ARID2: variants seen among roughly 807,000 people sequenced by gnomAD.
ARID2 encodes the protein AT-rich interaction domain 2, also known as AT-rich interactive domain-containing protein 2.
In ARID2, 32 loss-of-function variants were observed where a neutral mutation model predicts 184.6. The ratio of observed to expected loss-of-function variants is 0.17; its 90% CI spans 0.13 to 0.23. The LOEUF (loss-of-function observed/expected upper bound fraction) is 0.23. Ranked by LOEUF, ARID2 falls within the 10% of genes least tolerant of loss-of-function variation. The pLI, the probability that ARID2 is intolerant of heterozygous loss-of-function variation, is 1.00. For missense variants in ARID2, 1,696 were observed against 2,197.6 expected (o/e 0.77, Z 4.56); for synonymous variants, 836 against 772.6 (o/e 1.08, Z -1.36).
At chr12:45,733,643 A>G (rs1422149367) in intron 3 of ARID2, among the ~76,000 whole-genome samples, 6 of 152,154 alleles carry the variant, frequency 3.9e-5, no homozygotes, top group Non-Finnish European at 5.9e-5. Context: ...TAAGTTTGCT[A>G]TTAATTGGAT....
rs1363196500 is a variant in ARID2 at position 45,851,946 on chromosome 12, G to A, written c.3823G>A (p.Ala1275Thr). ...VMENPSCRRG[A>T]TNTSNGDTKE... The stretch of plus-strand genomic sequence containing the variant: ...GGAGAACCCGTCCTGCCGACGAGGA[G>A]CCACAAACACCAGCAATGGGGATAC... Residue 1275 changes from alanine (A) to threonine (T), a missense_variant, in exon 15 of 21, where the codon GCC (alanine) becomes ACC (threonine). This residue lies in a region of ARID2 where 428 missense variants were observed against 409.1 expected (regional missense o/e 1.05). Coordinates refer to ENST00000334344, the MANE Select transcript of ARID2 (RefSeq NM_152641.4). 1 of 1,613,550 alleles carries A rather than the reference G, an allele frequency of 6.2e-7. No homozygotes were observed. The highest frequency in any genetic ancestry group is 1.1e-5 in the South Asian group (1 of 90,934).
intron 15 of ARID2, among the ~76,000 whole-genome samples, chr12:45,859,283 G>A (rs182944205): frequency 9.6e-4 from 146 of 152,152 alleles, no homozygotes; most frequent in Middle Eastern, 3.4e-3. Context: ...TATAGTATTC[G>A]GTACAGTAAC....
At chr12:45,763,950 A>G (rs749457364) in intron 3 of ARID2, among the ~76,000 whole-genome samples, 12 of 151,960 alleles carry the variant, frequency 7.9e-5, no homozygotes, top group Non-Finnish European at 4.4e-5. Flanking sequence ...TGCAAATAGA[A>G]AGGATCACTG....
chr12:45,816,082 T>G (rs1942799092), intron 4 of ARID2, among the ~76,000 whole-genome samples: 1 of 152,228 alleles, frequency 6.6e-6, no homozygotes, highest in East Asian at 1.9e-4. Context: ...AGGTCTAAAC[T>G]GCCCCGTTAG....
intron 20 of ARID2, among the ~76,000 whole-genome samples, chr12:45,897,636 A>T (rs1259236343): frequency 6.6e-6 from 1 of 152,182 alleles, no homozygotes; most frequent in African/African-American, 2.4e-5. Context: ...GAAGGCAGGG[A>T]ATTGAAAGAT....
At chr12:45,799,117 C>A (rs1483546474) in intron 3 of ARID2, among the ~76,000 whole-genome samples, 1 of 151,848 alleles carries the variant, frequency 6.6e-6, no homozygotes. Flanking sequence ...TTTTATTATT[C>A]TTATTGTTTG....
chr12:45,884,693 T>A (rs1944159755), intron 16 of ARID2, among the ~76,000 whole-genome samples: 1 of 151,762 alleles, frequency 6.6e-6, no homozygotes, highest in African/African-American at 2.4e-5. Context: ...AGGAAAGGAG[T>A]CAGAACTGAG....
At chr12:45,845,552 G>A (rs117127940) in intron 11 of ARID2, among the ~76,000 whole-genome samples, 2 of 152,080 alleles carry the variant, frequency 1.3e-5, no homozygotes, top group Non-Finnish European at 2.9e-5. Flanking sequence ...TGTAAAATAG[G>A]TATAATTAAA....
chr12:45,906,593 G>A lies in ARID2; in HGVS notation c.*1515G>A, dbSNP rs1944533518. 1 of 232,472 alleles carries A rather than the reference G, an allele frequency of 4.3e-6. No individual in the cohort carries two copies. Among genetic ancestry groups the A allele is most frequent in the African/African-American group, 2.2e-5 (1 of 45,270 alleles). The allele number at this position is 232,472 out of a possible 1,614,324, so 14.4% of individuals were successfully genotyped here. On this transcript the variant is annotated 3_prime_UTR_variant, in exon 21 of 21. Transcript: ENST00000334344. Reference sequence around the variant, plus strand: ...TTAAGACATCTTAAAAATATAGAGAGAATTCTAAATTCAGCTGAAGGCAAG... The same window carrying A: ...TTAAGACATCTTAAAAATATAGAGAAAATTCTAAATTCAGCTGAAGGCAAG...
In ARID2 at chr12:45,766,036, GATACACCATAATTTGTTTAGGT is replaced by G. The variant is rs1941764267; in HGVS notation, c.284+34725_284+34746del. ...TTGCTGAGTAGTATTCTATTGTATT[GATACACCATAATTTGTTTAGGT>G]ATCCACTTCTTGATAGGCATGTGAG... On this transcript the variant is annotated intron_variant, in intron 3 of 20. Transcript: ENST00000334344. Among the ~76,000 whole-genome samples, 3 of 152,196 alleles carry G rather than the reference GATACACCATAATTTGTTTAGGT, an allele frequency of 2.0e-5. No homozygotes were observed. In the South Asian group the frequency reaches 6.2e-4, roughly 32 times the overall value.
chr12:45,900,999 T>C (rs1944449617), intron 20 of ARID2, among the ~76,000 whole-genome samples: 1 of 151,970 alleles, frequency 6.6e-6, no homozygotes, highest in Admixed American at 6.6e-5. Context: ...TTTGTTGTTG[T>C]TTTCATTGAA....
At chr12:45,891,163 C>CAA (rs111941337) in intron 16 of ARID2, among the ~76,000 whole-genome samples, 9 of 115,544 alleles carry the variant, frequency 7.8e-5, no homozygotes, top group East Asian at 2.4e-4. Flanking sequence ...GACTCCGTCT[C>CAA]AAAAAAAAAA....
intron 3 of ARID2, among the ~76,000 whole-genome samples, chr12:45,799,756 A>G (rs1942460166): frequency 6.6e-6 from 1 of 152,230 alleles, no homozygotes; most frequent in Non-Finnish European, 1.5e-5. Context: ...ACTAAATACC[A>G]AAAGATATAG....
At chr12:45,844,378 G>A (rs562424043) in intron 11 of ARID2, among the ~76,000 whole-genome samples, 1 of 152,306 alleles carries the variant, frequency 6.6e-6, no homozygotes, top group East Asian at 1.9e-4. Context: ...TTCTGCCTAA[G>A]AAGTAATGCA....
chr12:45,817,544 T>C (rs1942825143), intron 4 of ARID2, 126 bp from the exon 5 acceptor site: 2 of 240,810 alleles, frequency 8.3e-6, no homozygotes. Flanking sequence ...TATATATATA[T>C]ATATTTATAT....
At position 45,817,875 on chromosome 12, in the gene ARID2, G is replaced by A. The variant is rs751376039; in HGVS notation, c.624G>A (p.Gly208=). The A allele has an allele frequency of 2.5e-6, 4 of 1,610,630 alleles. No homozygotes were observed. The East Asian group carries it at 8.9e-5, about 36-fold the overall frequency. The part of the protein sequence containing the change: ...KIITLLLANA[G]VFDDTLGSFS... ...TCACTTTACTACTTGCTAATGCCGG[G>A]GTGTTTGACGACAGTAAGTTTTAAG... The change falls in exon 5 of 21, where the codon GGG becomes GGA. Residue 208 remains glycine, a synonymous_variant. Coordinates refer to ENST00000334344, the MANE Select transcript of ARID2 (RefSeq NM_152641.4).
intron 16 of ARID2, among the ~76,000 whole-genome samples, chr12:45,864,040 A>G (rs1943795355): frequency 6.6e-6 from 1 of 151,686 alleles, no homozygotes; most frequent in African/African-American, 2.4e-5. Flanking sequence ...ATTTTTTTAT[A>G]CAGACAGGGT....
At chr12:45,808,390 T>C (rs1234459648) in intron 3 of ARID2, among the ~76,000 whole-genome samples, 1 of 152,170 alleles carries the variant, frequency 6.6e-6, no homozygotes, top group Non-Finnish European at 1.5e-5. Context: ...GAACAAGTAC[T>C]GGTCTTCAAG....
intron 16 of ARID2, among the ~76,000 whole-genome samples, chr12:45,876,267 T>C (rs1189080305): frequency 6.6e-6 from 1 of 152,094 alleles, no homozygotes; most frequent in East Asian, 1.9e-4. Context: ...CACATAACAT[T>C]TGGCTGGGTG....
Sources: allele counts gnomAD v4.1 joint callset (sites outside exome capture counted in the v4.1 genomes callset), GRCh38; gene constraint gnomAD v4.1.1; regional missense constraint gnomAD v4.1.1; transcripts MANE v1.5; gene names NCBI Gene and HGNC (gene_info 2026-07-23, HGNC 2026-07-21).